Variants in LYPD6 observed in about 807,000 individuals in gnomAD.
LYPD6 encodes ly6/PLAUR domain-containing protein 6.
A neutral mutation model predicts 22.7 loss-of-function variants in LYPD6; 15 were observed. That is an observed-to-expected ratio of 0.66 (90% CI 0.44 to 1.02). LYPD6 has a LOEUF of 1.02. Ranked by LOEUF, LYPD6 falls within the 50% of genes least tolerant of loss-of-function variation. The pLI is 0.00. For synonymous variants in LYPD6, 72 were observed against 77.5 expected (o/e 0.93, Z 0.37); for missense variants, 189 against 208.4 (o/e 0.91, Z 0.57).
chr2:149,430,628 C>G (rs1683292306), intron 1 of LYPD6, among the ~76,000 whole-genome samples: 1 of 152,090 alleles, frequency 6.6e-6, no homozygotes, highest in African/African-American at 2.4e-5. Context: ...CCATTCTGCT[C>G]TTGTATTAGG....
chr2:149,443,203 A>C lies in LYPD6; in HGVS notation c.118+5377A>C, dbSNP rs1048763305. 5.9e-5 allele frequency among the ~76,000 whole-genome samples: 9 copies of C among 152,344 alleles called. No homozygotes were observed. In the East Asian group the frequency reaches 1.7e-3, roughly 29 times the overall value. On this transcript the variant is annotated intron_variant, in intron 2 of 4. Transcript: ENST00000334166. ...TATTAAGTAATTCAAATTTGTGAAC[A>C]CTACAACTTACTAGTGTTAGGGTCT...
intron 1 of LYPD6, among the ~76,000 whole-genome samples, chr2:149,347,265 C>T (rs868738698): frequency 1.3e-5 from 2 of 152,086 alleles, no homozygotes; most frequent in South Asian, 4.1e-4. Context: ...TCAAGAGAGC[C>T]CCACCATCAT....
chr2:149,354,574 G>A (rs897539872), intron 1 of LYPD6, among the ~76,000 whole-genome samples: 16 of 152,088 alleles, frequency 1.1e-4, no homozygotes, highest in African/African-American at 3.9e-4. Flanking sequence ...GAAGGAATAA[G>A]AGATTAGACC....
chr2:149,480,873 C>T, the LYPD6 span, among the ~76,000 whole-genome samples: 2 of 152,108 alleles, frequency 1.3e-5, no homozygotes, highest in African/African-American at 4.8e-5. Flanking sequence ...ATATAAAGGC[C>T]CAGCCCCCAT....
At chr2:149,405,271 C>A (rs1408626587) in intron 1 of LYPD6, among the ~76,000 whole-genome samples, 1 of 152,046 alleles carries the variant, frequency 6.6e-6, no homozygotes, top group Non-Finnish European at 1.5e-5. Context: ...GGAGGATTCC[C>A]TCTTTTTCTA....
downstream of LYPD6, among the ~76,000 whole-genome samples, chr2:149,474,449 C>G (rs1302446411): frequency 6.6e-6 from 1 of 152,212 alleles, no homozygotes; most frequent in Non-Finnish European, 1.5e-5. Flanking sequence ...CTCAAGCAAT[C>G]CTCCTACCTC....
intron 1 of LYPD6, among the ~76,000 whole-genome samples, chr2:149,380,807 T>A (rs998243744): frequency 2.0e-5 from 3 of 151,974 alleles, no homozygotes; most frequent in Admixed American, 6.6e-5. Context: ...GAGAAAGAAG[T>A]TATTGAATGA....
intron 3 of LYPD6, 108 bp downstream of exon 3, chr2:149,449,255 C>T (rs1683757471): frequency 3.0e-6 from 2 of 664,948 alleles, no homozygotes; most frequent in South Asian, 1.9e-5. Context: ...CTCAGCTGCT[C>T]CTCTTGTCTA....
chr2:149,338,142 C>G (rs1489010005), intron 1 of LYPD6, among the ~76,000 whole-genome samples: 1 of 152,098 alleles, frequency 6.6e-6, no homozygotes, highest in Non-Finnish European at 1.5e-5. Flanking sequence ...TTATGTAGAA[C>G]AATTTGTATT....
intron 3 of LYPD6, among the ~76,000 whole-genome samples, chr2:149,466,657 G>C (rs1023406860): frequency 2.6e-5 from 4 of 152,104 alleles, no homozygotes; most frequent in African/African-American, 4.8e-5. Context: ...CAAAGAAGTA[G>C]TCATATCAAG....
At chr2:149,403,914 G>T (rs1682626035) in intron 1 of LYPD6, among the ~76,000 whole-genome samples, 1 of 152,192 alleles carries the variant, frequency 6.6e-6, no homozygotes, top group African/African-American at 2.4e-5. Context: ...TTTGTATAAA[G>T]TGTAAGGAAG....
chr2:149,408,158 C>T (rs530282068), intron 1 of LYPD6, among the ~76,000 whole-genome samples: 1 of 152,234 alleles, frequency 6.6e-6, no homozygotes, highest in African/African-American at 2.4e-5. Context: ...GGGGTGCCTC[C>T]CAGTTAGGCT....
intron 1 of LYPD6, among the ~76,000 whole-genome samples, chr2:149,376,533 A>G (rs1015963664): frequency 1.1e-4 from 17 of 152,184 alleles, no homozygotes; most frequent in Admixed American, 5.2e-4. Context: ...CATCTGTAAA[A>G]TACTACTAAT....
At chr2:149,385,885 TG>T (rs1682173617) in intron 1 of LYPD6, among the ~76,000 whole-genome samples, 2 of 151,692 alleles carry the variant, frequency 1.3e-5, no homozygotes, top group Admixed American at 1.3e-4. Context: ...GAGAGTGGAG[TG>T]GGGTTGGGAC....
At chr2:149,449,814 TG>T (rs1683769107) in intron 3 of LYPD6, among the ~76,000 whole-genome samples, 1 of 152,216 alleles carries the variant, frequency 6.6e-6, no homozygotes, top group East Asian at 1.9e-4. Context: ...ATTTATTTGG[TG>T]GGGGTAGAGA....
intron 3 of LYPD6, among the ~76,000 whole-genome samples, chr2:149,468,134 C>CACACACACAT (rs1179083549): frequency 1.6e-5 from 1 of 64,398 alleles, no homozygotes; most frequent in Admixed American, 2.3e-4. Context: ...TTCCCCCCAA[C>CACACACACAT]ACACACACAC....
In LYPD6 at chr2:149,350,863, C is replaced by T. The variant is rs536797631; in HGVS notation, c.-72+20141C>T. 5.9e-5 allele frequency among the ~76,000 whole-genome samples: 9 copies of T among 152,352 alleles called. No homozygotes were observed. The East Asian group carries it at 1.5e-3, about 26-fold the overall frequency. ...AGCACAGAGTGGACAGATGCCCACA[C>T]TACCCTTGCCGGGGCCTTTCTGCCA... is the stretch of plus-strand genomic sequence containing the variant. On this transcript the variant is annotated intron_variant, in intron 1 of 4. Coordinates refer to ENST00000334166, the MANE Select transcript of LYPD6 (RefSeq NM_194317.5).
At chr2:149,399,375 C>T (rs1211187779) in intron 1 of LYPD6, among the ~76,000 whole-genome samples, 1 of 152,026 alleles carries the variant, frequency 6.6e-6, no homozygotes, top group African/African-American at 2.4e-5. Flanking sequence ...ACCACTAGAG[C>T]TTGGTATTTA....
At chr2:149,354,760 G>C (rs539774827) in intron 1 of LYPD6, among the ~76,000 whole-genome samples, 1 of 152,154 alleles carries the variant, frequency 6.6e-6, no homozygotes, top group Non-Finnish European at 1.5e-5. Context: ...AAGCCGACAT[G>C]CTTCAAGCTT....
Sources: allele counts gnomAD v4.1 joint callset (sites outside exome capture counted in the v4.1 genomes callset), GRCh38; gene constraint gnomAD v4.1.1; transcripts MANE v1.5; gene names NCBI Gene and HGNC (gene_info 2026-07-23, HGNC 2026-07-21).